The following ARHGAP20 variants were observed in gnomAD, a reference collection of about 807,000 sequenced individuals.
ARHGAP20 encodes rho GTPase-activating protein 20.
A neutral mutation model predicts 73.7 loss-of-function variants in ARHGAP20; 34 were observed. The observed-to-expected ratio is 0.46, with a 90% CI of 0.35 to 0.61. ARHGAP20 has a LOEUF of 0.61. ARHGAP20 is among the 20% of genes least tolerant of loss of function. The pLI, the probability that ARHGAP20 is intolerant of heterozygous loss-of-function variation, is 0.00. For missense variants in ARHGAP20, 1,314 were observed against 1,420.9 expected (o/e 0.92, Z 1.21); for synonymous variants, 523 against 518.2 (o/e 1.01, Z -0.13).
rs768433648 is a variant in ARHGAP20, at chr11:110,580,976, G to A, written c.1970C>T (p.Ser657Phe). 1.9e-6 allele frequency: 3 copies of A among 1,614,204 alleles called. No individual in the cohort carries two copies. Among genetic ancestry groups the A allele is most frequent in the African/African-American group, 2.7e-5 (2 of 75,048 alleles). Residue 657 changes from serine (S) to phenylalanine (F), a missense_variant, in exon 15 of 15, where the codon TCC (serine) becomes TTC (phenylalanine). By Grantham distance (155) the Ser-to-Phe change is radical (BLOSUM62 -2). Coordinates refer to ENST00000683387, the MANE Select transcript of ARHGAP20 (RefSeq NM_001384657.1). ...EDVQMKRPLE[S>F]KPVNILVYTK... ...GTACACTAAAATGTTCACCGGCTTG[G>A]ATTCAAGAGGCCGTTTCATTTGAAC...
In ARHGAP20 at chr11:110,652,780, A is replaced by G. The variant is rs183519436; in HGVS notation, c.189-21988T>C. The stretch of plus-strand genomic sequence containing the variant: ...AAACATTCCATGCTCATGGATAGGA[A>G]GAATCAACATCATGAAAATGGCCAT... On this transcript the variant is annotated intron_variant, in intron 2 of 14. Transcript: ENST00000683387. Among the ~76,000 whole-genome samples the G allele has an allele frequency of 3.5e-3, 535 of 152,240 alleles. 3 individuals are homozygous for G. Among genetic ancestry groups the G allele is most frequent in the African/African-American group, 0.012 (500 of 41,566 alleles).
intron 2 of ARHGAP20, among the ~76,000 whole-genome samples, chr11:110,646,543 T>C (rs1029537217): frequency 8.5e-5 from 13 of 152,274 alleles, no homozygotes; most frequent in Admixed American, 1.3e-4. Flanking sequence ...GAAAAATTTA[T>C]TTCAAACCTT....
intron 2 of ARHGAP20, among the ~76,000 whole-genome samples, chr11:110,645,924 C>T (rs1189341581): frequency 6.6e-6 from 1 of 151,954 alleles, no homozygotes; most frequent in African/African-American, 2.4e-5. Context: ...ACTGTGTACA[C>T]ATGGACATAA....
chr11:110,649,475 C>T (rs1210028913), intron 2 of ARHGAP20, among the ~76,000 whole-genome samples: 1 of 151,932 alleles, frequency 6.6e-6, no homozygotes, highest in East Asian at 1.9e-4. Context: ...AAAAATGAGA[C>T]AAGCTTAAAG....
chr11:110,612,543 G>A (rs2134893134), intron 6 of ARHGAP20, among the ~76,000 whole-genome samples: 1 of 152,138 alleles, frequency 6.6e-6, no homozygotes, highest in East Asian at 1.9e-4. Flanking sequence ...ATGCTACATT[G>A]TAAAAAAAAC....
Position 110,595,095 on chromosome 11 carries a change from C to A in ARHGAP20, c.965-2940G>T, listed in dbSNP as rs892389424. Among the ~76,000 whole-genome samples, 9 of 151,226 alleles carry A rather than the reference C, an allele frequency of 6.0e-5. No individual in the cohort carries two copies. In the East Asian group the frequency reaches 1.2e-3, roughly 20 times the overall value. On this transcript the variant is annotated intron_variant, in intron 9 of 14. Transcript: ENST00000683387. The stretch of plus-strand genomic sequence containing the variant: ...AAGGCCTTTGACAAAATTCAACAAC[C>A]CTTCATGCTAAAAACTCTCAATAAA...
chr11:110,707,063 C>G (rs1950563635), intron 1 of ARHGAP20, among the ~76,000 whole-genome samples: 1 of 152,024 alleles, frequency 6.6e-6, no homozygotes, highest in South Asian at 2.1e-4. Flanking sequence ...AGATTTGGAC[C>G]CAGAGAATTA....
chr11:110,690,414 A>T, intron 2 of ARHGAP20, 133 bp downstream of exon 2: 1 of 816,978 alleles, frequency 1.2e-6, no homozygotes, highest in Non-Finnish European at 1.9e-6. Flanking sequence ...TGTATTTTCT[A>T]CTCTTAAACA....
At chr11:110,656,734 G>A (rs575002700) in intron 2 of ARHGAP20, among the ~76,000 whole-genome samples, 2 of 152,144 alleles carry the variant, frequency 1.3e-5, no homozygotes, top group African/African-American at 4.8e-5. Context: ...AGCCACTGAG[G>A]TGGGCTCTCT....
chr11:110,609,115 A>ATTTTTTT, intron 7 of ARHGAP20, 65 bp from the exon 8 acceptor site: 1 of 1,302,688 alleles, frequency 7.7e-7, no homozygotes, highest in Non-Finnish European at 1.1e-6. Flanking sequence ...ATGAGGACAC[A>ATTTTTTT]TTTTTTTTTT....
intron 2 of ARHGAP20, among the ~76,000 whole-genome samples, chr11:110,668,483 C>T (rs976441870): frequency 4.6e-5 from 7 of 151,716 alleles, no homozygotes; most frequent in Non-Finnish European, 1.5e-5. Flanking sequence ...ACTGTTACTA[C>T]AAAAAATAAG....
intron 2 of ARHGAP20, among the ~76,000 whole-genome samples, chr11:110,688,848 T>C (rs902085509): frequency 3.9e-5 from 6 of 152,194 alleles, no homozygotes; most frequent in African/African-American, 1.4e-4. Flanking sequence ...AAAGTGTATG[T>C]CTTCTGGGGG....
rs1372898308 is a variant in ARHGAP20, at chr11:110,577,642, T to C, written c.*1728A>G. Reference sequence around the variant, plus strand: ...GCATATGGACACTTAGAAGTCTTAATATGTAGGACTGGTTAGTTATAAAGT... The same window carrying C: ...GCATATGGACACTTAGAAGTCTTAACATGTAGGACTGGTTAGTTATAAAGT... On this transcript the variant is annotated 3_prime_UTR_variant, in exon 15 of 15. Transcript: ENST00000683387. 2.0e-6 allele frequency: 2 copies of C among 985,816 alleles called. No homozygotes were observed. The highest frequency in any genetic ancestry group is 1.7e-5 in the African/African-American group (1 of 57,232). The allele number at this position is 985,816 out of a possible 1,614,324, so 61.1% of individuals were successfully genotyped here. A position where few individuals can be genotyped will look rare whatever the true frequency, so the allele number is the denominator to read the frequency against.
In ARHGAP20 at chr11:110,592,155, T is replaced by C. The variant is rs1410807137; in HGVS notation, c.965A>G (p.Asp322Gly). Residue 322 changes from aspartate (D) to glycine (G), a missense_variant and splice_region_variant, in exon 10 of 15, where the codon GAT (aspartate) becomes GGT (glycine). Coordinates refer to ENST00000683387, the MANE Select transcript of ARHGAP20 (RefSeq NM_001384657.1). Reference protein sequence around the residue: ...SRLAAAQQLSDSGHKTFKRRR... With the variant: ...SRLAAAQQLSGSGHKTFKRRR... Reference sequence around the variant, plus strand: ...CCTTTTAAATGTCTTATGACCTGAATCTAAGGAAGAAGTGAGCTTATTAGA... The same window carrying C: ...CCTTTTAAATGTCTTATGACCTGAACCTAAGGAAGAAGTGAGCTTATTAGA... 2 of 1,610,336 alleles carry C rather than the reference T, an allele frequency of 1.2e-6. No individual in the cohort carries two copies. The highest frequency in any genetic ancestry group is 1.7e-6 in the Non-Finnish European group (2 of 1,177,626).
At chr11:110,653,468 A>C (rs1352992408) in intron 2 of ARHGAP20, among the ~76,000 whole-genome samples, 1 of 152,260 alleles carries the variant, frequency 6.6e-6, no homozygotes, top group Non-Finnish European at 1.5e-5. Flanking sequence ...AACTTATGAA[A>C]AAAAGCTCAA....
chr11:110,611,475 G>A, intron 6 of ARHGAP20, 89 bp from the exon 7 acceptor site: 1 of 623,758 alleles, frequency 1.6e-6, no homozygotes, highest in Non-Finnish European at 2.6e-6. Flanking sequence ...TTATCGAAAG[G>A]CAAATATTGA....
chr11:110,606,241 G>A (rs1374937161), intron 9 of ARHGAP20, among the ~76,000 whole-genome samples: 3 of 152,158 alleles, frequency 2.0e-5, no homozygotes, highest in Non-Finnish European at 4.4e-5. Flanking sequence ...CACACAGTTG[G>A]AGTGTATTAC....
chr11:110,678,737 C>G (rs1223044097), intron 2 of ARHGAP20, among the ~76,000 whole-genome samples: 1 of 152,158 alleles, frequency 6.6e-6, no homozygotes, highest in African/African-American at 2.4e-5. Context: ...TCACGGCTCA[C>G]TGCGCCTCAA....
chr11:110,647,518 G>T (rs1184873724), intron 2 of ARHGAP20, among the ~76,000 whole-genome samples: 1 of 152,098 alleles, frequency 6.6e-6, no homozygotes, highest in Non-Finnish European at 1.5e-5. Context: ...GTGACCAAGA[G>T]AAGAACAATT....
Sources: allele counts gnomAD v4.1 joint callset (sites outside exome capture counted in the v4.1 genomes callset), GRCh38; gene constraint gnomAD v4.1.1; transcripts MANE v1.5; gene names NCBI Gene and HGNC (gene_info 2026-07-23, HGNC 2026-07-21).